The following ATP6V1C2 variants were observed in gnomAD, a reference collection of about 807,000 sequenced individuals.
The protein encoded by ATP6V1C2 is V-type proton ATPase subunit C 2.
ATP6V1C2 carries 45 observed loss-of-function variants against 56.8 expected under a neutral mutation model. The observed-to-expected ratio is 0.79, with a 90% confidence interval of 0.62 to 1.02. ATP6V1C2 has a LOEUF of 1.02. Among genes scored for constraint, ATP6V1C2 ranks in the 50% least tolerant of loss-of-function variants. ATP6V1C2 has a pLI of 0.00. For missense variants in ATP6V1C2, 463 were observed against 519.7 expected (o/e 0.89, Z 1.06); for synonymous variants, 220 against 201.3 (o/e 1.09, Z -0.79).
chr2:10,746,328 T>A (rs1326030219), intron 3 of ATP6V1C2, among the ~76,000 whole-genome samples: 1 of 152,138 alleles, frequency 6.6e-6, no homozygotes, highest in Non-Finnish European at 1.5e-5. Flanking sequence ...GCCGCTATGT[T>A]TATTTTTATT....
intron 3 of ATP6V1C2, among the ~76,000 whole-genome samples, chr2:10,747,941 AC>A (rs1312905324): frequency 6.6e-6 from 1 of 151,892 alleles, no homozygotes; most frequent in Non-Finnish European, 1.5e-5. Flanking sequence ...GCTCACTGCA[AC>A]CTCTGCCTCC....
Position 10,772,551 on chromosome 2 carries a change from C to A in ATP6V1C2, c.579C>A (p.Tyr193Ter). 1 of 1,613,972 alleles carries A rather than the reference C, an allele frequency of 6.2e-7. No individual in the cohort carries two copies. Among genetic ancestry groups the A allele is most frequent in the Non-Finnish European group, 8.5e-7 (1 of 1,179,864 alleles). The change falls in exon 8 of 14, where the codon TAC (tyrosine) becomes TAA (stop). Residue 193 changes from tyrosine to a stop codon, truncating the protein, a stop_gained. Transcript: ENST00000272238. LOFTEE classifies it high-confidence loss of function. ...TTCTATGTTCTTGCAGACCAAACTA[C>A]TCACAATGGCAAAAAACCTACGAAT... ...TLLVIVPKPN[Y>*]SQWQKTYESL...
intron 12 of ATP6V1C2, 91 bp downstream of exon 12, chr2:10,778,760 C>G: frequency 8.4e-7 from 1 of 1,184,428 alleles, no homozygotes; most frequent in South Asian, 1.2e-5. Context: ...TGCCTTCTCT[C>G]CATCCTCCAC....
intron 3 of ATP6V1C2, among the ~76,000 whole-genome samples, chr2:10,742,093 A>AT (rs1662584521): frequency 6.6e-6 from 1 of 152,140 alleles, no homozygotes; most frequent in Admixed American, 6.5e-5. Flanking sequence ...TATTTTTAGT[A>AT]GAGACAGGGT....
intron 3 of ATP6V1C2, among the ~76,000 whole-genome samples, chr2:10,741,874 C>G (rs1280664586): frequency 7.8e-6 from 1 of 127,854 alleles, no homozygotes; most frequent in East Asian, 2.6e-4. Flanking sequence ...CTGGGTTCCT[C>G]CCTCCCTCCC....
At chr2:10,727,831 G>A (rs1247623004) in intron 3 of ATP6V1C2, among the ~76,000 whole-genome samples, 1 of 151,900 alleles carries the variant, frequency 6.6e-6, no homozygotes, top group Admixed American at 6.6e-5. Context: ...CGGGGGAGGG[G>A]GGATGGGGGT....
chr2:10,773,165 A>G (rs1664740648), intron 8 of ATP6V1C2, among the ~76,000 whole-genome samples: 1 of 152,078 alleles, frequency 6.6e-6, no homozygotes, highest in African/African-American at 2.4e-5. Flanking sequence ...ATGAAGGGGA[A>G]AGGCAGCTGC....
chr2:10,729,613 T>C (rs1429802754), intron 3 of ATP6V1C2, among the ~76,000 whole-genome samples: 1 of 152,168 alleles, frequency 6.6e-6, no homozygotes, highest in African/African-American at 2.4e-5. Flanking sequence ...CCCAGCACTT[T>C]GGGAGGCCAA....
intron 5 of ATP6V1C2, 112 bp from the exon 6 acceptor site, chr2:10,768,607 C>A: frequency 1.2e-6 from 1 of 863,662 alleles, no homozygotes. Flanking sequence ...AGCAAATGGG[C>A]AGGGCAGTTA....
chr2:10,747,941 A>G (rs911747452), intron 3 of ATP6V1C2, among the ~76,000 whole-genome samples: 1 of 151,892 alleles, frequency 6.6e-6, no homozygotes, highest in Non-Finnish European at 1.5e-5. Context: ...GCTCACTGCA[A>G]CCTCTGCCTC....
intron 13 of ATP6V1C2, among the ~76,000 whole-genome samples, 199 bp from the exon 14 acceptor site, chr2:10,782,970 ACAAAG>A (rs1665477854): frequency 6.6e-6 from 1 of 152,102 alleles, no homozygotes; most frequent in Non-Finnish European, 1.5e-5. Flanking sequence ...CAAAAACAAA[ACAAAG>A]CAAAACTATC....
At chr2:10,776,618 G>A (rs116653290) in intron 10 of ATP6V1C2, among the ~76,000 whole-genome samples, 2,058 of 152,322 alleles carry the variant, frequency 0.014, 52 homozygotes, top group African/African-American at 0.046. Flanking sequence ...TTCCCAGCTC[G>A]ATTCAGTCCT....
intron 5 of ATP6V1C2, 97 bp from the exon 6 acceptor site, chr2:10,768,622 T>C: frequency 1.0e-6 from 1 of 992,324 alleles, no homozygotes; most frequent in Non-Finnish European, 1.6e-6. Context: ...CAGTTATTTT[T>C]CTTGAAAGCA....
chr2:10,747,213 A>C (rs1323940391), intron 3 of ATP6V1C2, among the ~76,000 whole-genome samples: 1 of 151,966 alleles, frequency 6.6e-6, no homozygotes, highest in East Asian at 1.9e-4. Flanking sequence ...GGTTGCAGTG[A>C]GCCGAGATCA....
In ATP6V1C2 at chr2:10,774,785, CA is replaced by C; in HGVS notation, c.639-2del. On this transcript the variant is annotated splice_acceptor_variant, in intron 8 of 13. Transcript: ENST00000272238. LOFTEE classifies it high-confidence loss of function. ...CCAGCCAACAGATGCTTCTCTCCAA[CA>C]GACTCATTACTGAGGACAAGGAAGG... 6.2e-7 allele frequency: 1 copy of C among 1,613,372 alleles called. No individual in the cohort carries two copies. Among genetic ancestry groups the C allele is most frequent in the Non-Finnish European group, 8.5e-7 (1 of 1,179,308 alleles).
Position 10,777,617 on chromosome 2 carries a change from A to G in ATP6V1C2, c.858A>G (p.Ser286=). 6.2e-7 allele frequency: 1 copy of G among 1,614,038 alleles called. No homozygotes were observed. Reference sequence around the variant, plus strand: ...CCTGTGTTGCTCTTAAAAAGGGATCATCCACCTTCCCGGACCACAAGGTTA... The same window carrying G: ...CCTGTGTTGCTCTTAAAAAGGGATCGTCCACCTTCCCGGACCACAAGGTTA... ...QTSCVALKKG[S]STFPDHKVKV... The change falls in exon 11 of 14, where the codon TCA becomes TCG. Residue 286 remains serine, a synonymous_variant. Coordinates refer to ENST00000272238, the MANE Select transcript of ATP6V1C2 (RefSeq NM_001039362.2).
At chr2:10,762,722 A>C (rs1467399938) in intron 4 of ATP6V1C2, among the ~76,000 whole-genome samples, 1 of 150,906 alleles carries the variant, frequency 6.6e-6, no homozygotes, top group Non-Finnish European at 1.5e-5. Context: ...TCCCACCTCC[A>C]TGGCTGCCCG....
rs1218823745 is a variant in ATP6V1C2, at chr2:10,721,680, C to A, written c.-78C>A. 6.6e-6 allele frequency: 1 copy of A among 151,524 alleles called. No individual in the cohort carries two copies. Among genetic ancestry groups the A allele is most frequent in the Non-Finnish European group, 1.5e-5 (1 of 67,810 alleles). The allele number at this position is 151,524 out of a possible 1,614,324, so 9.4% of individuals were successfully genotyped here. On this transcript the variant is annotated 5_prime_UTR_variant, in exon 1 of 14. Coordinates refer to ENST00000272238, the MANE Select transcript of ATP6V1C2 (RefSeq NM_001039362.2). ...CAGAGCGCTCCGGCCCCGCACCCGC[C>A]GCCCGTCGCCCGCAGCCCCCTACCG... is the stretch of plus-strand genomic sequence containing the variant.
At chr2:10,753,219 T>C (rs938216361) in intron 3 of ATP6V1C2, among the ~76,000 whole-genome samples, 1 of 152,226 alleles carries the variant, frequency 6.6e-6, no homozygotes, top group African/African-American at 2.4e-5. Flanking sequence ...CACGTCGTCA[T>C]AGCCAGTGCC....
Sources: gnomAD v4.1 joint callset for allele counts (sites outside exome capture counted in the v4.1 genomes callset) on GRCh38, gnomAD v4.1.1 for gene constraint, MANE v1.5 for transcripts, NCBI Gene and HGNC (gene_info 2026-07-23, HGNC 2026-07-21) for gene names.